ATP13A5: variants seen among roughly 807,000 people sequenced by gnomAD.
ATP13A5 encodes probable cation-transporting ATPase 13A5.
Under a neutral mutation model 150.2 loss-of-function variants are expected in ATP13A5, and 149 were observed. The ratio of observed to expected loss-of-function variants is 0.99; its 90% CI spans 0.87 to 1.14. The LOEUF (loss-of-function observed/expected upper bound fraction) is 1.14. Among genes scored for constraint, ATP13A5 ranks in the 50% most tolerant of loss-of-function variants. ATP13A5 has a pLI of 0.00. For missense variants in ATP13A5, 1,383 were observed against 1,449.3 expected (o/e 0.95, Z 0.74); for synonymous variants, 497 against 522.2 (o/e 0.95, Z 0.66).
At chr3:193,377,779 T>C (rs982027952) in intron 1 of ATP13A5, among the ~76,000 whole-genome samples, 2 of 152,184 alleles carry the variant, frequency 1.3e-5, no homozygotes, top group Non-Finnish European at 2.9e-5. Context: ...GTGCCCTCAC[T>C]CTGACCCTTC....
At chr3:193,283,784 C>T (rs1031292866) in intron 27 of ATP13A5, among the ~76,000 whole-genome samples, 2 of 151,598 alleles carry the variant, frequency 1.3e-5, no homozygotes, top group Non-Finnish European at 2.9e-5. Flanking sequence ...GTAATTTACA[C>T]AAGTATACTT....
In ATP13A5 at chr3:193,321,614, G is replaced by A. The variant is rs1719280229; in HGVS notation, c.1915+67C>T. ...CCACTGCACTCCAGCCTTGGGGACA[G>A]AGCAAGATTCTGTCTCAAAGAAAAA... On this transcript the variant is annotated intron_variant, in intron 16 of 29. Transcript: ENST00000342358. 3 of 1,559,940 alleles carry A rather than the reference G, an allele frequency of 1.9e-6. No homozygotes were observed. In the African/African-American group the frequency reaches 4.1e-5, roughly 21 times the overall value.
At chr3:193,328,673 T>C (rs1711510932) in intron 12 of ATP13A5, among the ~76,000 whole-genome samples, 1 of 152,154 alleles carries the variant, frequency 6.6e-6, no homozygotes, top group African/African-American at 2.4e-5. Context: ...GAAAACCTCT[T>C]AGCATAAATT....
intron 26 of ATP13A5, among the ~76,000 whole-genome samples, chr3:193,288,956 T>A (rs1219581589): frequency 6.6e-6 from 1 of 152,126 alleles, no homozygotes; most frequent in East Asian, 1.9e-4. Context: ...AGTCAAAACT[T>A]GAGTTCTCTG....
At chr3:193,322,248 C>T (rs1035491980) in intron 15 of ATP13A5, among the ~76,000 whole-genome samples, 5 of 152,158 alleles carry the variant, frequency 3.3e-5, no homozygotes, top group Admixed American at 3.3e-4. Context: ...CAACCCAGAG[C>T]CAAGTGTGTC....
intron 29 of ATP13A5, among the ~76,000 whole-genome samples, chr3:193,275,933 G>T (rs1376666047): frequency 6.6e-6 from 1 of 152,092 alleles, no homozygotes; most frequent in Non-Finnish European, 1.5e-5. Context: ...ATGATTTTTA[G>T]TGACTAGCAT....
At chr3:193,354,906 T>G (rs4686632) in intron 5 of ATP13A5, among the ~76,000 whole-genome samples, 138,762 of 148,322 alleles carry the variant, frequency 0.94, 65,009 homozygotes, top group Middle Eastern at 0.98. Flanking sequence ...GTAGCCAAAA[T>G]TGCACACATC....
intron 7 of ATP13A5, among the ~76,000 whole-genome samples, chr3:193,347,520 A>ATTGCT (rs1712390416): frequency 1.0e-5 from 1 of 100,074 alleles, no homozygotes. Flanking sequence ...CCTTCCTTAG[A>ATTGCT]TTTCTTTTTT....
At chr3:193,358,831 A>G (rs1024324341) in intron 5 of ATP13A5, among the ~76,000 whole-genome samples, 1 of 152,132 alleles carries the variant, frequency 6.6e-6, no homozygotes, top group Admixed American at 6.5e-5. Context: ...CCAGGAGGAC[A>G]TCAGGAATGG....
At chr3:193,375,582 G>C (rs1409644195) in intron 1 of ATP13A5, among the ~76,000 whole-genome samples, 1 of 152,186 alleles carries the variant, frequency 6.6e-6, no homozygotes, top group Non-Finnish European at 1.5e-5. Flanking sequence ...AGGAGGGTGG[G>C]AAGTGGATGG....
chr3:193,349,935 G>A (rs13075573), intron 7 of ATP13A5, among the ~76,000 whole-genome samples: 35,446 of 152,016 alleles, frequency 0.23, 4,961 homozygotes, highest in Non-Finnish European at 0.31. Flanking sequence ...GTAAGAACAC[G>A]CCCATACTGT....
intron 9 of ATP13A5, among the ~76,000 whole-genome samples, chr3:193,335,902 G>C (rs1316806841): frequency 2.0e-5 from 3 of 152,024 alleles, no homozygotes; most frequent in Non-Finnish European, 4.4e-5. Context: ...GTGGCTATAA[G>C]ACAGAATATT....
chr3:193,374,640 GACAC>G (rs113705500), intron 1 of ATP13A5, among the ~76,000 whole-genome samples: 3,791 of 93,114 alleles, frequency 0.041, 66 homozygotes, highest in Middle Eastern at 0.2. Flanking sequence ...GTAAGACCAT[GACAC>G]ACACACACAC....
chr3:193,282,247 T>C (rs1310851626), intron 27 of ATP13A5, among the ~76,000 whole-genome samples: 3 of 152,144 alleles, frequency 2.0e-5, no homozygotes, highest in Admixed American at 6.5e-5. Context: ...GCTTGTAAAA[T>C]ACATTTATAA....
At chr3:193,320,801 C>G (rs1003838703) in intron 16 of ATP13A5, among the ~76,000 whole-genome samples, 1 of 152,148 alleles carries the variant, frequency 6.6e-6, no homozygotes, top group African/African-American at 2.4e-5. Context: ...CAACAACATT[C>G]TTATACATCT....
intron 1 of ATP13A5, among the ~76,000 whole-genome samples, chr3:193,375,079 C>T (rs1259786713): frequency 1.3e-5 from 2 of 152,174 alleles, no homozygotes; most frequent in Admixed American, 1.3e-4. Flanking sequence ...TACAGCAGCA[C>T]AAAGCAGACC....
At chr3:193,290,788 C>G (rs1312235591) in intron 25 of ATP13A5, among the ~76,000 whole-genome samples, 1 of 152,114 alleles carries the variant, frequency 6.6e-6, no homozygotes, top group Non-Finnish European at 1.5e-5. Context: ...AAAAAGACGA[C>G]TACATCCTTA....
chr3:193,327,150 G>A, intron 12 of ATP13A5, 93 bp from the exon 13 acceptor site: 3 of 1,085,604 alleles, frequency 2.8e-6, no homozygotes, highest in African/African-American at 1.6e-5. Context: ...AGATATTATA[G>A]TAGATCCAGT....
chr3:193,331,290 T>C lies in ATP13A5; in HGVS notation c.1294A>G (p.Thr432Ala). 4.3e-6 allele frequency: 7 copies of C among 1,613,406 alleles called. No homozygotes were observed. Among genetic ancestry groups the C allele is most frequent in the Non-Finnish European group, 5.9e-6 (7 of 1,179,786 alleles). The change falls in exon 12 of 30, where the codon ACC becomes GCC. Residue 432 changes from threonine (T) to alanine (A), a missense_variant. By Grantham distance (58) the Thr-to-Ala change is moderately conservative (BLOSUM62 0). Around this residue, in one of 3 missense-constraint regions of ATP13A5, gnomAD observed 787 missense variants for 771.9 expected, o/e 1.02. Coordinates refer to ENST00000342358, the MANE Select transcript of ATP13A5 (RefSeq NM_198505.4). ...ACGGTGAGGAGGATCAGGGCCATGGTCACAGTATCTTTTGGAGGAACCTGG... is the reference window on the plus strand; with the variant it reads ...ACGGTGAGGAGGATCAGGGCCATGGCCACAGTATCTTTTGGAGGAACCTGG... ...YHGVPPKDTV[T>A]MALILLTVTV...
Sources: gnomAD v4.1 joint callset for allele counts (sites outside exome capture counted in the v4.1 genomes callset) on GRCh38, gnomAD v4.1.1 for gene constraint, gnomAD v4.1.1 regional missense constraint, MANE v1.5 for transcripts, NCBI Gene and HGNC (gene_info 2026-07-23, HGNC 2026-07-21) for gene names.